PCNX1: variants seen among roughly 807,000 people sequenced by gnomAD.
PCNX1 encodes the protein pecanex 1, also known as pecanex-like protein 1.
PCNX1 carries 78 observed loss-of-function variants against 242.2 expected under a neutral mutation model. The ratio of observed to expected loss-of-function variants is 0.32; its 90% confidence interval spans 0.27 to 0.39. The LOEUF (loss-of-function observed/expected upper bound fraction) is 0.39, where lower values mean the gene tolerates loss of function less well. PCNX1 is among the 10% of genes least tolerant of loss of function. PCNX1 has a pLI of 1.00. For synonymous variants in PCNX1, 1,024 were observed against 1,032.9 expected, an observed-to-expected ratio of 0.99 and a Z score of 0.17; for missense variants, 2,581 against 2,856.5, an observed-to-expected ratio of 0.90 and a Z score of 2.20.
At chr14:71,050,875 A>AG in intron 23 of PCNX1, 115 bp downstream of exon 23, 1 of 1,023,628 alleles carries the variant, frequency 9.8e-7, no homozygotes, top group Non-Finnish European at 1.4e-6. Flanking sequence ...ATTATCAAAA[A>AG]TTCATAATCT....
At chr14:71,040,804 A>G (rs2060682033) in intron 19 of PCNX1, among the ~76,000 whole-genome samples, 1 of 151,954 alleles carries the variant, frequency 6.6e-6, no homozygotes, top group Non-Finnish European at 1.5e-5. Flanking sequence ...TGTACCCATT[A>G]ACCATTGCTA....
chr14:70,968,037 C>A (rs544445859), intron 3 of PCNX1, among the ~76,000 whole-genome samples, 161 bp from the exon 4 acceptor site: 1 of 152,170 alleles, frequency 6.6e-6, no homozygotes, highest in African/African-American at 2.4e-5. Context: ...GGTTGCGTGG[C>A]TCCAATAGAG....
intron 1 of PCNX1, among the ~76,000 whole-genome samples, chr14:70,938,541 A>G (rs528634426): frequency 6.6e-6 from 1 of 152,308 alleles, no homozygotes; most frequent in Non-Finnish European, 1.5e-5. Context: ...CCAGTATTTT[A>G]TTGAGGATTT....
At chr14:70,922,559 T>G (rs909953310) in intron 1 of PCNX1, among the ~76,000 whole-genome samples, 3 of 152,160 alleles carry the variant, frequency 2.0e-5, no homozygotes, top group African/African-American at 7.2e-5. Flanking sequence ...GCCTCAGAGA[T>G]AATGGTTGTT....
At chr14:70,992,197 C>T (rs1595163996) in intron 7 of PCNX1, among the ~76,000 whole-genome samples, 1 of 152,052 alleles carries the variant, frequency 6.6e-6, no homozygotes, top group African/African-American at 2.4e-5. Flanking sequence ...CTGCATTTAT[C>T]ATCCTAAATG....
At chr14:71,049,106 T>C (rs990100699) in intron 22 of PCNX1, 34 of 901,548 alleles carry the variant, frequency 3.8e-5, no homozygotes, top group Non-Finnish European at 4.4e-5. Flanking sequence ...TTTCATCTTA[T>C]ACTGGTTGGA....
At chr14:71,011,452 C>G in intron 9 of PCNX1, 40 bp from the exon 10 acceptor site, 1 of 1,116,976 alleles carries the variant, frequency 9.0e-7, no homozygotes, top group South Asian at 1.3e-5. Flanking sequence ...ATTTTTCTTT[C>G]TGCTTGACAA....
chr14:70,962,975 G>A (rs1043955963), intron 3 of PCNX1, among the ~76,000 whole-genome samples: 3 of 152,162 alleles, frequency 2.0e-5, no homozygotes, highest in African/African-American at 7.2e-5. Context: ...AACGTTCATG[G>A]TCTTCTCTTA....
chr14:70,994,401 A>ATGTG (rs1346183930), intron 7 of PCNX1, among the ~76,000 whole-genome samples: 1,251 of 32,568 alleles, frequency 0.038, 16 homozygotes, highest in African/African-American at 0.12. Context: ...CTTAAGATAT[A>ATGTG]TATATATATA....
At chr14:71,068,432 A>G (rs978502262) in intron 26 of PCNX1, among the ~76,000 whole-genome samples, 12 of 148,976 alleles carry the variant, frequency 8.1e-5, no homozygotes, top group Non-Finnish European at 1.6e-4. Flanking sequence ...GTATATGTAT[A>G]TATGTATGTA....
chr14:71,063,229 A>G (rs1406701206), intron 26 of PCNX1, among the ~76,000 whole-genome samples: 1 of 152,216 alleles, frequency 6.6e-6, no homozygotes, highest in Non-Finnish European at 1.5e-5. Flanking sequence ...TTTGAGAGCC[A>G]TACACATTCT....
chr14:70,914,840 A>C (rs914033146), intron 1 of PCNX1, among the ~76,000 whole-genome samples: 1 of 152,178 alleles, frequency 6.6e-6, no homozygotes, highest in Non-Finnish European at 1.5e-5. Context: ...TCAGTGAACC[A>C]TTCGATGAGT....
chr14:71,037,034 T>A (rs1208409342), intron 19 of PCNX1, among the ~76,000 whole-genome samples: 1 of 134,792 alleles, frequency 7.4e-6, no homozygotes, highest in African/African-American at 2.8e-5. Context: ...CTAGGTATTT[T>A]ATTCTCTTTG....
intron 23 of PCNX1, 74 bp downstream of exon 23, chr14:71,050,834 C>T: frequency 7.5e-7 from 1 of 1,334,860 alleles, no homozygotes; most frequent in Non-Finnish European, 1.1e-6. Flanking sequence ...ATAGGCATGA[C>T]CTTTCATGGT....
intron 1 of PCNX1, among the ~76,000 whole-genome samples, chr14:70,922,981 G>A (rs1675425265): frequency 1.3e-5 from 2 of 151,984 alleles, no homozygotes; most frequent in South Asian, 4.1e-4. Flanking sequence ...CCTTTTGTTT[G>A]TACCAACATT....
chr14:70,924,985 T>G (rs1594908109), intron 1 of PCNX1, among the ~76,000 whole-genome samples: 2 of 151,992 alleles, frequency 1.3e-5, no homozygotes, highest in Admixed American at 1.3e-4. Context: ...ACATCTGGTT[T>G]TTTTTTTTTT....
intron 1 of PCNX1, among the ~76,000 whole-genome samples, chr14:70,924,031 G>A (rs1006279590): frequency 2.0e-5 from 3 of 152,054 alleles, no homozygotes; most frequent in African/African-American, 7.2e-5. Flanking sequence ...AGGAGTTCGA[G>A]ACTAGCCTGG....
intron 18 of PCNX1, among the ~76,000 whole-genome samples, 186 bp from the exon 19 acceptor site, chr14:71,035,879 A>G (rs1238346193): frequency 6.6e-6 from 1 of 152,164 alleles, no homozygotes; most frequent in African/African-American, 2.4e-5. Flanking sequence ...ACTGCACTCC[A>G]TCTTAGAGAA....
chr14:71,052,039 C>T, intron 24 of PCNX1, 27 bp downstream of exon 24: 1 of 1,559,376 alleles, frequency 6.4e-7, no homozygotes, highest in Non-Finnish European at 8.7e-7. Flanking sequence ...ACTTGAAAAA[C>T]AATTTTTATC....
Sources: gnomAD v4.1 joint callset for allele counts (sites outside exome capture counted in the v4.1 genomes callset) on GRCh38, gnomAD v4.1.1 for gene constraint, MANE v1.5 for transcripts, NCBI Gene and HGNC (gene_info 2026-07-23, HGNC 2026-07-21) for gene names.